Variants in DLGAP1 observed in about 807,000 individuals in gnomAD.
The protein encoded by DLGAP1 is DLG associated protein 1.
A neutral mutation model predicts 90.8 loss-of-function variants in DLGAP1; 11 were observed. The observed-to-expected ratio is 0.12, with a 90% CI of 0.08 to 0.20. DLGAP1 has a LOEUF of 0.20. Ranked by LOEUF, DLGAP1 falls within the 10% of genes least tolerant of loss-of-function variation. DLGAP1 has a pLI of 1.00. For synonymous variants in DLGAP1, 558 were observed against 540.7 expected (o/e 1.03, Z -0.44); for missense variants, 1,050 against 1,333.8 (o/e 0.79, Z 3.31).
intron 1 of DLGAP1, among the ~76,000 whole-genome samples, chr18:4,189,142 T>TA (rs985824810): frequency 2.6e-5 from 4 of 152,144 alleles, no homozygotes; most frequent in Non-Finnish European, 5.9e-5. Context: ...ATCATCTCCA[T>TA]AAAATGAATG....
chr18:3,956,763 A>G (rs1464455807), intron 3 of DLGAP1, among the ~76,000 whole-genome samples: 1 of 151,938 alleles, frequency 6.6e-6, no homozygotes, highest in African/African-American at 2.4e-5. Context: ...TGATCCTTCT[A>G]CCTCAGCCTC....
chr18:4,303,245 G>A (rs184897143), intron 1 of DLGAP1, among the ~76,000 whole-genome samples: 2 of 152,114 alleles, frequency 1.3e-5, no homozygotes, highest in African/African-American at 4.8e-5. Flanking sequence ...TTCTATCTGA[G>A]CCAAAAGAAG....
At chr18:4,416,532 T>C (rs2082903469) in intron 1 of DLGAP1, among the ~76,000 whole-genome samples, 1 of 152,168 alleles carries the variant, frequency 6.6e-6, no homozygotes, top group Non-Finnish European at 1.5e-5. Flanking sequence ...ATTAAAGATG[T>C]TTGGTTAATG....
chr18:4,341,137 A>G (rs1398676050), intron 1 of DLGAP1, among the ~76,000 whole-genome samples: 1 of 152,012 alleles, frequency 6.6e-6, no homozygotes. Context: ...TCACACTAAG[A>G]ACTATGAATG....
chr18:3,583,215 C>CCT (rs2055669826), intron 7 of DLGAP1, among the ~76,000 whole-genome samples: 1 of 130,748 alleles, frequency 7.6e-6, no homozygotes, highest in Non-Finnish European at 1.6e-5. Flanking sequence ...CCTTCCTTCC[C>CCT]TCCTCCCTCC....
At chr18:4,270,906 C>T (rs2079263812) in intron 1 of DLGAP1, among the ~76,000 whole-genome samples, 1 of 152,106 alleles carries the variant, frequency 6.6e-6, no homozygotes, top group Non-Finnish European at 1.5e-5. Flanking sequence ...TCACTATGTC[C>T]TTTTATTGTT....
At position 4,138,019 on chromosome 18, in the gene DLGAP1, G is replaced by T. The variant is rs553904372; in HGVS notation, c.-159+13161C>A. The stretch of plus-strand genomic sequence containing the variant: ...TAATAGTTTTTTGGAGGAGTCTTTA[G>T]GCTTTCCCACATATAAGATCATATG... On this transcript the variant is annotated intron_variant, in intron 2 of 12. Transcript: ENST00000315677. Among the ~76,000 whole-genome samples, 3 of 152,158 alleles carry T rather than the reference G, an allele frequency of 2.0e-5. No individual in the cohort carries two copies. The South Asian group carries it at 6.2e-4, about 32-fold the overall frequency.
At chr18:4,432,592 G>GTGTGTA (rs2083310614) in intron 1 of DLGAP1, among the ~76,000 whole-genome samples, 1 of 108,160 alleles carries the variant, frequency 9.2e-6, no homozygotes, top group Non-Finnish European at 2.0e-5. Context: ...CTCACATAGT[G>GTGTGTA]TGTGTGTGTG....
At chr18:4,080,484 A>G (rs756031201) in intron 2 of DLGAP1, among the ~76,000 whole-genome samples, 5 of 150,738 alleles carry the variant, frequency 3.3e-5, no homozygotes, top group Admixed American at 6.6e-5. Flanking sequence ...ACATGATAAT[A>G]GCTGCAAAGC....
At chr18:4,123,337 G>A (rs1300937522) in intron 2 of DLGAP1, among the ~76,000 whole-genome samples, 1 of 152,064 alleles carries the variant, frequency 6.6e-6, no homozygotes, top group Non-Finnish European at 1.5e-5. Context: ...CGAGGAAACT[G>A]TTTCCAGTAG....
At chr18:4,321,468 T>A (rs2080684857) in intron 1 of DLGAP1, among the ~76,000 whole-genome samples, 1 of 152,226 alleles carries the variant, frequency 6.6e-6, no homozygotes. Context: ...CCAGAGTGGC[T>A]TCACATAGTA....
chr18:3,777,017 T>TCCTGGG (rs11281814), intron 5 of DLGAP1, among the ~76,000 whole-genome samples: 58,831 of 151,560 alleles, frequency 0.39, 11,983 homozygotes, highest in African/African-American at 0.52. Flanking sequence ...AGTCTCAAAC[T>TCCTGGG]CTCAAGCAAT....
intron 1 of DLGAP1, among the ~76,000 whole-genome samples, chr18:4,339,984 C>A (rs570077575): frequency 6.6e-6 from 1 of 152,248 alleles, no homozygotes. Flanking sequence ...TTTTATGTTA[C>A]ATTGGTCTTC....
At chr18:3,828,994 T>C (rs953490246) in intron 4 of DLGAP1, among the ~76,000 whole-genome samples, 3 of 152,192 alleles carry the variant, frequency 2.0e-5, no homozygotes, top group East Asian at 3.8e-4. Flanking sequence ...TCCTTCTCTA[T>C]AGAGAATGCT....
intron 2 of DLGAP1, among the ~76,000 whole-genome samples, chr18:4,075,669 C>A (rs932619226): frequency 8.5e-5 from 13 of 152,150 alleles, no homozygotes; most frequent in African/African-American, 3.1e-4. Flanking sequence ...GGCTAGAAAA[C>A]AACAACAGGC....
chr18:4,060,699 G>A (rs961404509), intron 2 of DLGAP1, among the ~76,000 whole-genome samples: 1 of 152,066 alleles, frequency 6.6e-6, no homozygotes, highest in Non-Finnish European at 1.5e-5. Context: ...TCATTCAAAA[G>A]TTATCAAGGT....
chr18:4,063,968 T>C lies in DLGAP1; in HGVS notation c.-158-58767A>G, dbSNP rs947191497. The stretch of plus-strand genomic sequence containing the variant: ...GAATCTTTAAGGGGCTGAGAGCCTA[T>C]GGCCCCCACAATTCATTCTCAAATC... On this transcript the variant is annotated intron_variant, in intron 2 of 12. Transcript: ENST00000315677. Among the ~76,000 whole-genome samples the C allele has an allele frequency of 2.6e-5, 4 of 152,096 alleles. No individual in the cohort carries two copies. The East Asian group carries it at 7.7e-4, about 29-fold the overall frequency.
At chr18:4,339,709 T>C (rs2081147607) in intron 1 of DLGAP1, among the ~76,000 whole-genome samples, 1 of 152,192 alleles carries the variant, frequency 6.6e-6, no homozygotes, top group African/African-American at 2.4e-5. Flanking sequence ...GAACTCTGAA[T>C]CTTCCAGACT....
rs1371698077 is a variant in DLGAP1 at position 4,293,798 on chromosome 18, A to G, written c.-266-142511T>C. The G allele has an allele frequency of 2.0e-5, 3 of 151,942 alleles. No homozygotes were observed. The South Asian group carries it at 6.2e-4, about 31-fold the overall frequency. The allele number at this position is 151,942 out of a possible 1,614,324, so 9.4% of individuals were successfully genotyped here. A position where few individuals can be genotyped will look rare whatever the true frequency, so the allele number is the denominator to read the frequency against. On this transcript the variant is annotated intron_variant, in intron 1 of 12. Transcript: ENST00000315677. Reference sequence around the variant, plus strand: ...CCATCTACCCTGTCCCTGTCCCCATACTCCTTCCTCACCTCCACCCAACCT... The same window carrying G: ...CCATCTACCCTGTCCCTGTCCCCATGCTCCTTCCTCACCTCCACCCAACCT...
Sources: gnomAD v4.1 joint callset for allele counts (sites outside exome capture counted in the v4.1 genomes callset) on GRCh38, gnomAD v4.1.1 for gene constraint, MANE v1.5 for transcripts, NCBI Gene and HGNC (gene_info 2026-07-23, HGNC 2026-07-21) for gene names.